Variants in SHLD1 observed in about 807,000 individuals in gnomAD.
The protein encoded by SHLD1 is shieldin complex subunit 1.
A neutral mutation model predicts 5.5 loss-of-function variants in SHLD1; 3 were observed. The ratio of observed to expected loss-of-function variants is 0.54; its 90% confidence interval spans 0.25 to 1.40. SHLD1 has a LOEUF of 1.40. SHLD1 is among the 40% of genes most tolerant of loss of function. SHLD1 has a pLI of 0.15. For synonymous variants in SHLD1, 92 were observed against 94.3 expected (o/e 0.98, Z 0.14); for missense variants, 210 against 244.4 (o/e 0.86, Z 0.94).
In SHLD1 at chr20:5,789,576, TAA is replaced by T. The variant is rs58405557; in HGVS notation, c.178+16550_178+16551del. ...TGGGTGACAAGAGCAAAACTTGATC[TAA>T]AAAAAAAAAAAAAAAAGTAATCACA... On this transcript the variant is annotated intron_variant, in intron 2 of 2. Coordinates refer to ENST00000303142, the MANE Select transcript of SHLD1 (RefSeq NM_152504.4). Among the ~76,000 whole-genome samples the T allele has an allele frequency of 7.7e-4, 87 of 113,314 alleles. 1 individual carries two copies. Among genetic ancestry groups the T allele is most frequent in the African/African-American group, 1.7e-3 (54 of 32,702 alleles). The allele number at this position is 113,314 out of a possible 152,430, so 74.3% of individuals were successfully genotyped here.
intron 2 of SHLD1, among the ~76,000 whole-genome samples, chr20:5,817,434 G>C (rs487510): frequency 0.19 from 13,495 of 71,254 alleles, 768 homozygotes; most frequent in Middle Eastern, 0.23. Context: ...CTCTCTCTCT[G>C]TGTGTGTGTG....
At chr20:5,811,072 T>A (rs1431558579) in intron 2 of SHLD1, among the ~76,000 whole-genome samples, 2 of 152,140 alleles carry the variant, frequency 1.3e-5, no homozygotes, top group Non-Finnish European at 2.9e-5. Flanking sequence ...CATTCATACA[T>A]CTACTTTTGA....
intron 2 of SHLD1, among the ~76,000 whole-genome samples, chr20:5,777,510 C>T (rs55634606): frequency 0.026 from 4,014 of 151,874 alleles, 76 homozygotes; most frequent in Non-Finnish European, 0.04. Context: ...TTGTGGTTCC[C>T]CTGGACTCAA....
rs574190254 is a variant in SHLD1, at chr20:5,818,148, T to C, written c.179-44876T>C. Among the ~76,000 whole-genome samples the C allele has an allele frequency of 3.9e-5, 6 of 152,280 alleles. No individual in the cohort carries two copies. In the East Asian group the frequency reaches 9.6e-4, roughly 24 times the overall value. On this transcript the variant is annotated intron_variant, in intron 2 of 2. Transcript: ENST00000303142. ...TGGAGTGCAGTAGCACTATCTCGGC[T>C]CACTGCAACCTCTGCCTCCCAGGTT...
At chr20:5,856,605 T>C (rs574607265) in intron 2 of SHLD1, among the ~76,000 whole-genome samples, 5 of 152,346 alleles carry the variant, frequency 3.3e-5, no homozygotes, top group African/African-American at 1.2e-4. Flanking sequence ...ATCCAGGGCA[T>C]GGTGAGGCTT....
rs549366734 is a variant in SHLD1 at position 5,864,295 on chromosome 20, C to A, written c.*832C>A. Among the ~76,000 whole-genome samples, 1 of 152,326 alleles carries A rather than the reference C, an allele frequency of 6.6e-6. No individual in the cohort carries two copies. Among genetic ancestry groups the A allele is most frequent in the African/African-American group, 2.4e-5 (1 of 41,576 alleles). On this transcript the variant is annotated 3_prime_UTR_variant, in exon 3 of 3. Coordinates refer to ENST00000303142, the MANE Select transcript of SHLD1 (RefSeq NM_152504.4). Reference sequence around the variant, plus strand: ...AAGGTGAGAAGGTAACAAATGTGCACCACCCACCACAGTATATGTAAGCAC... The same window carrying A: ...AAGGTGAGAAGGTAACAAATGTGCAACACCCACCACAGTATATGTAAGCAC...
intron 2 of SHLD1, among the ~76,000 whole-genome samples, chr20:5,847,917 G>A (rs1390255245): frequency 6.6e-6 from 1 of 152,148 alleles, no homozygotes. Flanking sequence ...CCTGATACAT[G>A]TGCACAAGGC....
chr20:5,792,998 G>A (rs1294773497), intron 2 of SHLD1, among the ~76,000 whole-genome samples: 4 of 152,130 alleles, frequency 2.6e-5, no homozygotes. Flanking sequence ...TTTGCATGTG[G>A]ATATGCTGTT....
rs1262820472 is a variant in SHLD1, at chr20:5,772,910, C to T, written c.45C>T (p.Ser15=). The T allele has an allele frequency of 1.2e-6, 2 of 1,614,086 alleles. No homozygotes were observed. Among genetic ancestry groups the T allele is most frequent in the Non-Finnish European group, 1.7e-6 (2 of 1,179,998 alleles). ...DATSGSLSEE[S]SALDLPSACD... ...CTTCAGGCAGCCTGTCAGAGGAGAG[C>T]AGTGCTTTGGACCTGCCATCAGCGT... The change falls in exon 2 of 3, where the codon AGC becomes AGT. Residue 15 remains serine, a synonymous_variant. Transcript: ENST00000303142.
intron 2 of SHLD1, among the ~76,000 whole-genome samples, chr20:5,779,085 C>T (rs1281715690): frequency 6.6e-6 from 1 of 152,030 alleles, no homozygotes; most frequent in Non-Finnish European, 1.5e-5. Flanking sequence ...CACCTGTAAT[C>T]CCAGCTACTG....
chr20:5,817,128 C>T (rs765570377), intron 2 of SHLD1, among the ~76,000 whole-genome samples: 10 of 152,078 alleles, frequency 6.6e-5, no homozygotes, highest in East Asian at 1.9e-4. Context: ...GCTGCTTTCA[C>T]GTCCTTGTTT....
rs1435223719 is a variant in SHLD1, at chr20:5,799,305, CTCTCTTTCTTTT to C, written c.178+26264_178+26275del. 2.0e-5 allele frequency among the ~76,000 whole-genome samples: 3 copies of C among 148,004 alleles called. No individual in the cohort carries two copies. In the South Asian group the frequency reaches 6.9e-4, roughly 34 times the overall value. On this transcript the variant is annotated intron_variant, in intron 2 of 2. Transcript: ENST00000303142. ...GCTCTCTCTCTTTCTTGCTTTCTTT[CTCTCTTTCTTTT>C]TGAGCCAGGGTCTCACTTTGTCCCT...
intron 2 of SHLD1, among the ~76,000 whole-genome samples, chr20:5,841,517 C>T (rs1167245509): frequency 1.3e-5 from 2 of 152,138 alleles, no homozygotes; most frequent in Non-Finnish European, 2.9e-5. Flanking sequence ...TCTTTTTCTT[C>T]TTCATAGCAT....
Position 5,863,669 on chromosome 20 carries a change from C to T in SHLD1, c.*206C>T, listed in dbSNP as rs932344887. 8 of 527,260 alleles carry T rather than the reference C, an allele frequency of 1.5e-5. No homozygotes were observed. Among genetic ancestry groups the T allele is most frequent in the African/African-American group, 5.8e-5 (3 of 51,912 alleles). 32.7% of individuals were successfully genotyped at this position (527,260 alleles called of 1,614,324 possible). ...GAGCCAGCAGGGTCTGGGAGTTCTCCGTCCTCTTGGCCAAGGCCGCTGACT... is the reference window on the plus strand; with the variant it reads ...GAGCCAGCAGGGTCTGGGAGTTCTCTGTCCTCTTGGCCAAGGCCGCTGACT... On this transcript the variant is annotated 3_prime_UTR_variant, in exon 3 of 3. Coordinates refer to ENST00000303142, the MANE Select transcript of SHLD1 (RefSeq NM_152504.4).
chr20:5,829,257 C>G (rs1221580803), intron 2 of SHLD1, among the ~76,000 whole-genome samples: 1 of 152,118 alleles, frequency 6.6e-6, no homozygotes, highest in Non-Finnish European at 1.5e-5. Context: ...AAAAGATTAT[C>G]TTTTGGAAAC....
chr20:5,770,657 C>T (rs1438389583), intron 1 of SHLD1, among the ~76,000 whole-genome samples: 6 of 152,170 alleles, frequency 3.9e-5, no homozygotes, highest in Admixed American at 3.9e-4. Context: ...TTAATTCATC[C>T]ATTGCAACTT....
intron 1 of SHLD1, among the ~76,000 whole-genome samples, chr20:5,767,341 A>G (rs994032907): frequency 1.3e-5 from 2 of 151,898 alleles, no homozygotes; most frequent in Middle Eastern, 3.2e-3. Flanking sequence ...AGGTCTTGCT[A>G]TGTTGCCCAG....
At chr20:5,760,402 C>T (rs920657255) in intron 1 of SHLD1, among the ~76,000 whole-genome samples, 1 of 151,678 alleles carries the variant, frequency 6.6e-6, no homozygotes, top group Non-Finnish European at 1.5e-5. Flanking sequence ...GAATTAAGGA[C>T]CAAGATGAGG....
intron 2 of SHLD1, among the ~76,000 whole-genome samples, chr20:5,799,002 A>T (rs1314804872): frequency 6.6e-6 from 1 of 152,106 alleles, no homozygotes; most frequent in Non-Finnish European, 1.5e-5. Context: ...GTGAGTCTCT[A>T]CATGGCAACA....
Sources: allele counts gnomAD v4.1 joint callset (sites outside exome capture counted in the v4.1 genomes callset), GRCh38; gene constraint gnomAD v4.1.1; transcripts MANE v1.5; gene names NCBI Gene and HGNC (gene_info 2026-07-23, HGNC 2026-07-21).